Variants in PGM3 observed in about 807,000 individuals in gnomAD.
PGM3 encodes the protein phosphoglucomutase 3.
PGM3 carries 40 observed loss-of-function variants against 66.2 expected under a neutral mutation model. That is an observed-to-expected ratio of 0.60 (90% CI 0.47 to 0.79). PGM3 has a LOEUF of 0.79. Ranked by LOEUF, PGM3 falls within the 30% of genes least tolerant of loss-of-function variation. The pLI, the probability that PGM3 is intolerant of heterozygous loss-of-function variation, is 0.00. For synonymous variants in PGM3, 191 were observed against 224.2 expected, an observed-to-expected ratio of 0.85 and a Z score of 1.32; for missense variants, 537 against 643.4, an observed-to-expected ratio of 0.83 and a Z score of 1.79.
chr6:83,172,178 T>G, intron 10 of PGM3, 119 bp from the exon 11 acceptor site: 1 of 968,380 alleles, frequency 1.0e-6, no homozygotes, highest in Non-Finnish European at 1.5e-6. Flanking sequence ...TGAAACATGC[T>G]GAGTGCCAAA....
At position 83,168,016 on chromosome 6, in the gene PGM3, G is replaced by A. The variant is rs2128468560; in HGVS notation, c.*1218C>T. ...AACAGCAAAGTCACAAGCCGATGTG[G>A]AGGACACTCAGGGAGTCCTATCCTC... On this transcript the variant is annotated 3_prime_UTR_variant, in exon 13 of 13. Transcript: ENST00000513973. 6.2e-7 allele frequency: 1 copy of A among 1,614,158 alleles called. No individual in the cohort carries two copies. The highest frequency in any genetic ancestry group is 8.5e-7 in the Non-Finnish European group (1 of 1,180,024).
chr6:83,181,084 T>A (rs1420117720), intron 6 of PGM3, among the ~76,000 whole-genome samples: 1 of 152,198 alleles, frequency 6.6e-6, no homozygotes, highest in Non-Finnish European at 1.5e-5. Context: ...AGGTTTGGCC[T>A]AAGCAAATAA....
In PGM3 at chr6:83,166,362, C is replaced by T. The variant is rs895728106; in HGVS notation, c.*2872G>A. ...CACTCCTCATCTTCAAGGCTCTAGTCTCCTTTGCAAAACTTCTTGAGCCAT... is the reference window on the plus strand; with the variant it reads ...CACTCCTCATCTTCAAGGCTCTAGTTTCCTTTGCAAAACTTCTTGAGCCAT... On this transcript the variant is annotated 3_prime_UTR_variant, in exon 13 of 13. Coordinates refer to ENST00000513973, the MANE Select transcript of PGM3 (RefSeq NM_015599.3). The T allele has an allele frequency of 1.4e-5, 10 of 698,178 alleles. No homozygotes were observed. The highest frequency in any genetic ancestry group is 2.3e-5 in the Non-Finnish European group (9 of 383,412). The allele number at this position is 698,178 out of a possible 1,614,324, so 43.2% of individuals were successfully genotyped here.
At chr6:83,153,859 G>A in the PGM3 span, 2 of 1,576,866 alleles carry the variant, frequency 1.3e-6, no homozygotes, top group East Asian at 4.5e-5. Context: ...TTAAAGTTAG[G>A]ACACGTAGGT....
At chr6:83,160,249 C>T (rs1191319433), downstream of PGM3, among the ~76,000 whole-genome samples, 5 of 152,290 alleles carry the variant, frequency 3.3e-5, no homozygotes, top group East Asian at 9.7e-4. Context: ...TATGGTGGCT[C>T]ATGCACAAGA....
Position 83,165,866 on chromosome 6 carries a change from A to AT in PGM3, c.*3367dup, listed in dbSNP as rs1354450598. 1 of 362,282 alleles carries AT rather than the reference A, an allele frequency of 2.8e-6. No individual in the cohort carries two copies. The highest frequency in any genetic ancestry group is 5.5e-6 in the Non-Finnish European group (1 of 181,550). The allele number at this position is 362,282 out of a possible 1,614,324, so 22.4% of individuals were successfully genotyped here. On this transcript the variant is annotated 3_prime_UTR_variant, in exon 13 of 13. Transcript: ENST00000513973. ...TTGCAGTTTTTGGTGCATCTCATTGATTTGCTGAGCATACTTATCAGATGT... is the reference window on the plus strand; with the variant it reads ...TTGCAGTTTTTGGTGCATCTCATTGATTTTGCTGAGCATACTTATCAGATGT...
downstream of PGM3, chr6:83,159,772 G>A (rs1313199065): frequency 6.2e-7 from 1 of 1,613,968 alleles, no homozygotes; most frequent in African/African-American, 1.3e-5. Flanking sequence ...TCCAGCTGCT[G>A]ACAGCACTGT....
At chr6:83,191,627 T>G in intron 1 of PGM3, among the ~76,000 whole-genome samples, 1 of 152,230 alleles carries the variant, frequency 6.6e-6, no homozygotes, top group East Asian at 1.9e-4. Flanking sequence ...GACACCCTTC[T>G]AAGATGTTGC....
At chr6:83,174,012 A>G (rs1787553949) in intron 10 of PGM3, among the ~76,000 whole-genome samples, 1 of 152,126 alleles carries the variant, frequency 6.6e-6, no homozygotes, top group South Asian at 2.1e-4. Context: ...CTGGGATTAC[A>G]GGCATGAGCC....
chr6:83,150,485 T>A, the PGM3 span, among the ~76,000 whole-genome samples: 1 of 152,230 alleles, frequency 6.6e-6, no homozygotes, highest in Admixed American at 6.5e-5. Flanking sequence ...AGTTGAAAGT[T>A]GAACATTTTC....
At position 83,167,173 on chromosome 6, in the gene PGM3, T is replaced by TAA. The variant is rs1785932378; in HGVS notation, c.*2059_*2060dup. 1.1e-6 allele frequency: 1 copy of TAA among 895,056 alleles called. No individual in the cohort carries two copies. The highest frequency in any genetic ancestry group is 1.8e-5 in the African/African-American group (1 of 55,502). 55.4% of individuals were successfully genotyped at this position (895,056 alleles called of 1,614,324 possible). A position where few individuals can be genotyped will look rare whatever the true frequency, so the allele number is the denominator to read the frequency against. On this transcript the variant is annotated 3_prime_UTR_variant, in exon 13 of 13. Transcript: ENST00000513973. The stretch of plus-strand genomic sequence containing the variant: ...GGTAGTTTTAGACTGTCCCATTTTA[T>TAA]AAGTGAGGAACCTTTGTATATCCTG...
At position 83,170,610 on chromosome 6, in the gene PGM3, G is replaced by A. The variant is rs568731652; in HGVS notation, c.1366-132C>T. ...ATTAAAACTTCTTTCTCCAAGGTCA[G>A]GGTAATTAATTTCAACATTTGTGCA... On this transcript the variant is annotated intron_variant, in intron 11 of 12. Coordinates refer to ENST00000513973, the MANE Select transcript of PGM3 (RefSeq NM_015599.3). 132 of 725,434 alleles carry A rather than the reference G, an allele frequency of 1.8e-4. No homozygotes were observed. The African/African-American group carries it at 2.1e-3, about 12-fold the overall frequency. The allele number at this position is 725,434 out of a possible 1,614,324, so 44.9% of individuals were successfully genotyped here. A position where few individuals can be genotyped will look rare whatever the true frequency, so the allele number is the denominator to read the frequency against.
In PGM3 at chr6:83,166,669, C is replaced by T. The variant is rs1267549744; in HGVS notation, c.*2565G>A. The T allele has an allele frequency of 1.4e-5, 18 of 1,258,646 alleles. No individual in the cohort carries two copies. Among genetic ancestry groups the T allele is most frequent in the South Asian group, 2.7e-5 (1 of 37,436 alleles). 78.0% of individuals were successfully genotyped at this position (1,258,646 alleles called of 1,614,324 possible). ...TTCAACAATGCAAAAACCGCAATTA[C>T]GTTTGCACCAACCTAATATTTTCCT... On this transcript the variant is annotated 3_prime_UTR_variant, in exon 13 of 13. Transcript: ENST00000513973.
At chr6:83,173,938 C>G (rs188039083) in intron 10 of PGM3, among the ~76,000 whole-genome samples, 1,660 of 152,114 alleles carry the variant, frequency 0.011, 45 homozygotes, top group African/African-American at 0.036. Context: ...AGGTTTCACC[C>G]TGTTAGCCAG....
chr6:83,175,194 A>G (rs920011392), intron 9 of PGM3, among the ~76,000 whole-genome samples: 3 of 152,210 alleles, frequency 2.0e-5, no homozygotes, highest in Admixed American at 6.5e-5. Flanking sequence ...TTTAAGCTAG[A>G]TCAGCAGAGT....
chr6:83,169,759 G>A, intron 12 of PGM3: 2 of 457,978 alleles, frequency 4.4e-6, no homozygotes, highest in Non-Finnish European at 8.8e-6. Context: ...CGCACTCACT[G>A]TACTTTGCCC....
intron 11 of PGM3, chr6:83,171,217 T>G (rs1368600946): frequency 2.6e-5 from 4 of 152,096 alleles, no homozygotes; most frequent in Non-Finnish European, 5.9e-5. Flanking sequence ...GTATGAAGAA[T>G]GTATAGGGCA....
intron 4 of PGM3, among the ~76,000 whole-genome samples, chr6:83,183,372 G>T (rs142012337): frequency 6.6e-6 from 1 of 152,210 alleles, no homozygotes; most frequent in African/African-American, 2.4e-5. Context: ...CATACCCGAA[G>T]GCAAGAACTC....
chr6:83,191,196 G>A, intron 1 of PGM3, 182 bp from the exon 2 acceptor site: 15 of 1,533,522 alleles, frequency 9.8e-6, no homozygotes, highest in Non-Finnish European at 1.3e-5. Context: ...CCTACAAGAT[G>A]TTGTCCAACT....
Sources: gnomAD v4.1 joint callset for allele counts (sites outside exome capture counted in the v4.1 genomes callset) on GRCh38, gnomAD v4.1.1 for gene constraint, MANE v1.5 for transcripts, NCBI Gene and HGNC (gene_info 2026-07-23, HGNC 2026-07-21) for gene names.